Variants in FOXN3 observed in about 807,000 individuals in gnomAD.
FOXN3 encodes forkhead box N3.
A neutral mutation model predicts 38.4 loss-of-function variants in FOXN3; 7 were observed. The ratio of observed to expected loss-of-function variants is 0.18; its 90% confidence interval spans 0.10 to 0.34. The LOEUF (loss-of-function observed/expected upper bound fraction) is 0.34. Among genes scored for constraint, FOXN3 ranks in the 10% least tolerant of loss-of-function variants. The probability of loss-of-function intolerance (pLI) is 1.00; values close to 1 mark genes in which losing one functional copy is unlikely to be tolerated. For missense variants in FOXN3, 456 were observed against 613.4 expected, an observed-to-expected ratio of 0.74 and a Z score of 2.71; for synonymous variants, 230 against 242.2, an observed-to-expected ratio of 0.95 and a Z score of 0.47.
rs1712197430 is a variant in FOXN3, at chr14:89,548,100, C to T, written c.-15+70928G>A. Among the ~76,000 whole-genome samples, 1 of 152,164 alleles carries T rather than the reference C, an allele frequency of 6.6e-6. No homozygotes were observed. Among genetic ancestry groups the T allele is most frequent in the African/African-American group, 2.4e-5 (1 of 41,430 alleles). The stretch of plus-strand genomic sequence containing the variant: ...CTCTGTTCAATTATTCACGATAGAA[C>T]ACTTGAGTTGAAATAAAAAATATCT... On this transcript the variant is annotated intron_variant, in intron 1 of 6. Transcript: ENST00000345097. The surrounding 1 kb of genome is among the most constrained non-coding windows in gnomAD (Gnocchi z 4.8).
intron 1 of FOXN3, among the ~76,000 whole-genome samples, chr14:89,424,266 C>T (rs191970112): frequency 6.6e-6 from 1 of 152,196 alleles, no homozygotes; most frequent in African/African-American, 2.4e-5. Flanking sequence ...AGAGACTGTA[C>T]GTGTGAAACA....
Position 89,282,420 on chromosome 14 carries a change from C to T in FOXN3, c.681-1406G>A, listed in dbSNP as rs1014550116. Among the ~76,000 whole-genome samples the T allele has an allele frequency of 3.9e-5, 6 of 152,150 alleles. No individual in the cohort carries two copies. The South Asian group carries it at 6.2e-4, about 16-fold the overall frequency. ...GGAGCTTCACAGGGTAACAGCAGACCGGACTGGAGTCTCAGGATGATGACA... is the reference window on the plus strand; with the variant it reads ...GGAGCTTCACAGGGTAACAGCAGACTGGACTGGAGTCTCAGGATGATGACA... On this transcript the variant is annotated intron_variant, in intron 3 of 5. Coordinates refer to ENST00000557258, the MANE Select transcript of FOXN3 (RefSeq NM_005197.4).
chr14:89,157,262 A>G lies in FOXN3; in HGVS notation c.*5152T>C, dbSNP rs1450496379. On this transcript the variant is annotated 3_prime_UTR_variant, in exon 6 of 6. Transcript: ENST00000557258. Reference sequence around the variant, plus strand: ...ATCGGTTTCGGCTGTTAAAAGATGGATCGTTTTAAAAACTGTGTTTTCCTT... The same window carrying G: ...ATCGGTTTCGGCTGTTAAAAGATGGGTCGTTTTAAAAACTGTGTTTTCCTT... 7 of 152,572 alleles carry G rather than the reference A, an allele frequency of 4.6e-5. No individual in the cohort carries two copies. The highest frequency in any genetic ancestry group is 1.7e-4 in the African/African-American group (7 of 41,450). The allele number at this position is 152,572 out of a possible 1,614,324, so 9.5% of individuals were successfully genotyped here. A position where few individuals can be genotyped will look rare whatever the true frequency, so the allele number is the denominator to read the frequency against.
intron 3 of FOXN3, among the ~76,000 whole-genome samples, chr14:89,287,730 CACTT>C (rs1184970503): frequency 7.2e-6 from 1 of 138,224 alleles, no homozygotes. Flanking sequence ...TCACAGATGT[CACTT>C]ACTCTAAAGA....
At chr14:89,513,938 A>ACG (rs1566682391) in intron 1 of FOXN3, among the ~76,000 whole-genome samples, 3 of 150,282 alleles carry the variant, frequency 2.0e-5, no homozygotes, top group Admixed American at 1.3e-4. Flanking sequence ...ACGCACGCAC[A>ACG]CACGCACGCA....
chr14:89,290,123 TG>T (rs757749217), intron 3 of FOXN3: 19 of 178,128 alleles, frequency 1.1e-4, no homozygotes, highest in Non-Finnish European at 2.1e-4. Context: ...AAAACTAAAG[TG>T]GAAGGTGCTT....
Position 89,259,771 on chromosome 14 carries a change from G to T in FOXN3, c.745+21179C>A, listed in dbSNP as rs560738785. ...CTCGGCAGAAACTTCCAGGCTTTGG[G>T]GTCAACTCCCCCGACAGAAACCTTC... On this transcript the variant is annotated intron_variant, in intron 4 of 5. Coordinates refer to ENST00000557258, the MANE Select transcript of FOXN3 (RefSeq NM_005197.4). 2.0e-3 allele frequency among the ~76,000 whole-genome samples: 308 copies of T among 152,230 alleles called. 1 individual carries two copies. Among genetic ancestry groups the T allele is most frequent in the African/African-American group, 6.9e-3 (288 of 41,534 alleles).
At position 89,484,528 on chromosome 14, in the gene FOXN3, A is replaced by G. The variant is rs1198862770; in HGVS notation, c.-14-72038T>C. On this transcript the variant is annotated intron_variant, in intron 1 of 6. Transcript: ENST00000345097. This position sits in a 1 kb window ranked among gnomAD's most constrained non-coding sequence, Gnocchi z 4.0. ...CCAACCACTGAAAAATGTGAAAACC[A>G]TTCTTAGTACATTGGCGATGCACAG... 6.6e-6 allele frequency among the ~76,000 whole-genome samples: 1 copy of G among 152,236 alleles called. No individual in the cohort carries two copies. The highest frequency in any genetic ancestry group is 2.4e-5 in the African/African-American group (1 of 41,460).
intron 1 of FOXN3, among the ~76,000 whole-genome samples, chr14:89,605,587 A>G (rs1453433356): frequency 2.0e-5 from 3 of 152,164 alleles, no homozygotes; most frequent in African/African-American, 7.2e-5. Flanking sequence ...TTAAAAGACA[A>G]TTATTTTCAG....
chr14:89,272,305 T>C (rs1460001932), intron 4 of FOXN3, among the ~76,000 whole-genome samples: 1 of 151,724 alleles, frequency 6.6e-6, no homozygotes, highest in Non-Finnish European at 1.5e-5. Context: ...AGAGCGAAAC[T>C]CTGTTTCAAA....
At chr14:89,341,878 G>A (rs927922597) in intron 3 of FOXN3, among the ~76,000 whole-genome samples, 19 of 152,052 alleles carry the variant, frequency 1.2e-4, no homozygotes, top group Admixed American at 2.6e-4. Context: ...CCCCTCTAAC[G>A]ATGCCTAAGG....
At chr14:89,483,263 C>T (rs1048377923) in intron 1 of FOXN3, among the ~76,000 whole-genome samples, 1 of 152,080 alleles carries the variant, frequency 6.6e-6, no homozygotes, top group Non-Finnish European at 1.5e-5. Flanking sequence ...GTTGCAGCAG[C>T]CAGGAAGCCA....
At chr14:89,517,707 C>G (rs757380147) in intron 1 of FOXN3, among the ~76,000 whole-genome samples, 1 of 152,164 alleles carries the variant, frequency 6.6e-6, no homozygotes, top group Non-Finnish European at 1.5e-5. Flanking sequence ...TATCACATAC[C>G]AGCATCTTTA....
At chr14:89,529,274 T>C (rs1894503495) in intron 1 of FOXN3, among the ~76,000 whole-genome samples, 1 of 152,160 alleles carries the variant, frequency 6.6e-6, no homozygotes, top group African/African-American at 2.4e-5. Context: ...TGCATAATAT[T>C]TTACCCCAAC....
chr14:89,363,957 T>TATATATATATATATATATA (rs1889999962), intron 2 of FOXN3, among the ~76,000 whole-genome samples: 2 of 4,564 alleles, frequency 4.4e-4, no homozygotes, highest in South Asian at 0.019. Flanking sequence ...AATATATATA[T>TATATATATATATATATATA]ATATATATAT....
intron 2 of FOXN3, among the ~76,000 whole-genome samples, chr14:89,404,504 C>CAAAAAAAAAAA (rs71130075): frequency 1.6e-5 from 1 of 61,032 alleles, no homozygotes; most frequent in African/African-American, 6.2e-5. Flanking sequence ...GACTCTGTCT[C>CAAAAAAAAAAA]AAAAAAAAAA....
chr14:89,618,331 G>A (rs781761503), intron 1 of FOXN3, among the ~76,000 whole-genome samples: 3 of 152,170 alleles, frequency 2.0e-5, no homozygotes, highest in Non-Finnish European at 4.4e-5. Context: ...GTCATCCCGG[G>A]AGTATAAACA....
chr14:89,265,798 T>G (rs373447259), intron 4 of FOXN3, among the ~76,000 whole-genome samples: 40 of 152,214 alleles, frequency 2.6e-4, no homozygotes, highest in African/African-American at 9.2e-4. Context: ...TTGCTATTAT[T>G]CATGGGTGTA....
Position 89,229,203 on chromosome 14 carries a change from TA to T in FOXN3, c.746-48398del, listed in dbSNP as rs1201067434. 3.9e-5 allele frequency among the ~76,000 whole-genome samples: 6 copies of T among 152,298 alleles called. 1 individual carries two copies. The highest frequency in any genetic ancestry group is 1.2e-4 in the African/African-American group (5 of 41,558). ...AGGTCTGAGTGGTAGCTGCAGGGAC[TA>T]AAATAGATAAGAGTGTCACCCATGA... On this transcript the variant is annotated intron_variant, in intron 4 of 5. Transcript: ENST00000557258.
Sources: allele counts gnomAD v4.1 joint callset (sites outside exome capture counted in the v4.1 genomes callset), GRCh38; gene constraint gnomAD v4.1.1; non-coding constraint Gnocchi (gnomAD v3.1); transcripts MANE v1.5; gene names NCBI Gene and HGNC (gene_info 2026-07-23, HGNC 2026-07-21).